XPR1: variants seen among roughly 807,000 people sequenced by gnomAD.
XPR1 encodes the protein xenotropic and polytropic retrovirus receptor 1.
A neutral mutation model predicts 87.5 loss-of-function variants in XPR1; 28 were observed. That is an observed-to-expected ratio of 0.32 (90% CI 0.24 to 0.44). XPR1 has a LOEUF of 0.44. Ranked by LOEUF, XPR1 falls within the 20% of genes least tolerant of loss-of-function variation. The pLI, the probability that XPR1 is intolerant of heterozygous loss-of-function variation, is 1.00. For missense variants in XPR1, 559 were observed against 862.3 expected, an observed-to-expected ratio of 0.65 and a Z score of 4.41; for synonymous variants, 300 against 306.1, an observed-to-expected ratio of 0.98 and a Z score of 0.21.
chr1:180,696,168 GTGT>G (rs1557961615), intron 2 of XPR1, among the ~76,000 whole-genome samples: 15 of 75,342 alleles, frequency 2.0e-4, no homozygotes, highest in African/African-American at 6.8e-4. Flanking sequence ...ATTCCTGGGT[GTGT>G]GTGTGTGTGT....
At chr1:180,798,155 A>G (rs1289545205) in intron 3 of XPR1, among the ~76,000 whole-genome samples, 1 of 152,152 alleles carries the variant, frequency 6.6e-6, no homozygotes, top group Non-Finnish European at 1.5e-5. Flanking sequence ...TATCAGGAAA[A>G]TAATAAAAAT....
Position 180,663,086 on chromosome 1 carries a change from A to G in XPR1, c.70-19274A>G, listed in dbSNP as rs1181616718. ...CCTCAAAACAGCTGGTTTGAATTCT[A>G]TCTGAAAGGTCTCATATCTCCATTT... On this transcript the variant is annotated intron_variant, in intron 1 of 14. Transcript: ENST00000367590. Among the ~76,000 whole-genome samples, 5 of 152,188 alleles carry G rather than the reference A, an allele frequency of 3.3e-5. No individual in the cohort carries two copies. The East Asian group carries it at 7.7e-4, about 23-fold the overall frequency.
intron 1 of XPR1, among the ~76,000 whole-genome samples, chr1:180,645,156 C>T (rs1415142533): frequency 6.6e-6 from 1 of 152,238 alleles, no homozygotes; most frequent in Admixed American, 6.5e-5. Flanking sequence ...TTTGTGATCT[C>T]AAGCAGTTGC....
chr1:180,788,382 A>G (rs191532768), intron 3 of XPR1, among the ~76,000 whole-genome samples: 1 of 152,360 alleles, frequency 6.6e-6, no homozygotes, highest in East Asian at 1.9e-4. Context: ...GTTGCAATGT[A>G]CATAATATAC....
intron 1 of XPR1, among the ~76,000 whole-genome samples, chr1:180,664,102 C>T (rs748353128): frequency 7.9e-5 from 12 of 152,094 alleles, no homozygotes; most frequent in Non-Finnish European, 1.5e-4. Context: ...TATTGGGGAC[C>T]CCAAAAGCCT....
At chr1:180,671,209 AGG>A (rs1656157482) in intron 1 of XPR1, among the ~76,000 whole-genome samples, 1 of 152,182 alleles carries the variant, frequency 6.6e-6, no homozygotes, top group South Asian at 2.1e-4. Flanking sequence ...TGTGGCCCTG[AGG>A]AAATCTTTGC....
chr1:180,759,772 A>G (rs1192427597), intron 2 of XPR1, among the ~76,000 whole-genome samples: 3 of 152,242 alleles, frequency 2.0e-5, no homozygotes, highest in Non-Finnish European at 4.4e-5. Flanking sequence ...TTATGAGGCC[A>G]GCATCATCCT....
chr1:180,783,876 G>A (rs59543576), intron 2 of XPR1, among the ~76,000 whole-genome samples: 6,490 of 151,782 alleles, frequency 0.043, 507 homozygotes, highest in African/African-American at 0.15. Context: ...CCAACATGGC[G>A]AAACCCCATC....
chr1:180,829,887 C>A (rs1422888331), intron 9 of XPR1, among the ~76,000 whole-genome samples: 1 of 150,980 alleles, frequency 6.6e-6, no homozygotes, highest in Non-Finnish European at 1.5e-5. Flanking sequence ...TCCCTTTTTT[C>A]CTTATTTAAT....
chr1:180,878,532 A>T (rs1210954341), intron 13 of XPR1, among the ~76,000 whole-genome samples: 1 of 152,218 alleles, frequency 6.6e-6, no homozygotes, highest in East Asian at 1.9e-4. Context: ...TACCTTTATT[A>T]AATCCTCACA....
In XPR1 at chr1:180,728,298, G is replaced by C. The variant is rs543133764; in HGVS notation, c.121+45887G>C. Among the ~76,000 whole-genome samples, 242 of 33,802 alleles carry C rather than the reference G, an allele frequency of 7.2e-3. 6 individuals are homozygous for C. The highest frequency in any genetic ancestry group is 0.065 in the Admixed American group (240 of 3,698). The allele number at this position is 33,802 out of a possible 152,430, so 22.2% of individuals were successfully genotyped here. ...TGAGAAAAAGGAGTTGTTTATAACT[G>C]GGGGGGGGGGTAGTAATGAAAACTA... On this transcript the variant is annotated intron_variant, in intron 2 of 14. Transcript: ENST00000367590.
intron 9 of XPR1, among the ~76,000 whole-genome samples, chr1:180,831,628 T>C (rs113854381): frequency 0.043 from 6,350 of 148,082 alleles, 486 homozygotes; most frequent in African/African-American, 0.15. Flanking sequence ...CTCCCACTTA[T>C]GAGTGAGAAC....
At chr1:180,803,659 A>C in intron 4 of XPR1, 48 bp downstream of exon 4, 1 of 1,485,022 alleles carries the variant, frequency 6.7e-7, no homozygotes, top group Non-Finnish European at 9.3e-7. Flanking sequence ...GTAAATGAGA[A>C]ATTTCAATAA....
chr1:180,811,559 G>A (rs1650213988), intron 7 of XPR1, 71 bp downstream of exon 7: 1 of 1,237,028 alleles, frequency 8.1e-7, no homozygotes. Flanking sequence ...CCCTCTGTAA[G>A]GAATTATGCA....
Position 180,824,915 on chromosome 1 carries a change from G to A in XPR1, c.926G>A (p.Ser309Asn), listed in dbSNP as rs1571872064. 1 of 1,613,698 alleles carries A rather than the reference G, an allele frequency of 6.2e-7. No individual in the cohort carries two copies. The highest frequency in any genetic ancestry group is 1.1e-5 in the South Asian group (1 of 90,922). ...CTCATCTTTGAACTTAATCCGAGAA[G>A]CAATTTGTCTCATCAACATCTCTTT... is the stretch of plus-strand genomic sequence containing the variant. Reference protein sequence around the residue: ...HVLIFELNPRSNLSHQHLFEI... With the variant: ...HVLIFELNPRNNLSHQHLFEI... The change falls in exon 8 of 15, where the codon AGC becomes AAC. Residue 309 changes from serine to asparagine, a missense_variant. Coordinates refer to ENST00000367590, the MANE Select transcript of XPR1 (RefSeq NM_004736.4).
At chr1:180,883,446 C>A (rs1347925647) in intron 14 of XPR1, among the ~76,000 whole-genome samples, 1 of 152,080 alleles carries the variant, frequency 6.6e-6, no homozygotes, top group African/African-American at 2.4e-5. Context: ...CAGTGACTCA[C>A]ACCTGTAAAC....
At chr1:180,722,533 G>A (rs1658209130) in intron 2 of XPR1, among the ~76,000 whole-genome samples, 1 of 152,080 alleles carries the variant, frequency 6.6e-6, no homozygotes, top group South Asian at 2.1e-4. Context: ...ATTGGCCTGT[G>A]GTGTAAAATG....
In XPR1 at chr1:180,827,153, C is replaced by CAAAAAAAAAAAA. The variant is rs11324246; in HGVS notation, c.1134+1822_1134+1833dup. Among the ~76,000 whole-genome samples, 219 of 66,902 alleles carry CAAAAAAAAAAAA rather than the reference C, an allele frequency of 3.3e-3. 5 individuals carry two copies. The highest frequency in any genetic ancestry group is 0.013 in the African/African-American group (216 of 16,358). The allele number at this position is 66,902 out of a possible 152,430, so 43.9% of individuals were successfully genotyped here. ...TGGACGACAGAGTGAGACTCCTTCT[C>CAAAAAAAAAAAA]AAAAAAAAAAAAAAAAAAAAAAAAG... On this transcript the variant is annotated intron_variant, in intron 9 of 14. Transcript: ENST00000367590.
At chr1:180,823,171 G>A (rs908333600) in intron 7 of XPR1, among the ~76,000 whole-genome samples, 10 of 151,306 alleles carry the variant, frequency 6.6e-5, no homozygotes, top group African/African-American at 2.2e-4. Flanking sequence ...AACGCGGGAG[G>A]CAGAGGTTGC....
Sources: allele counts gnomAD v4.1 joint callset (sites outside exome capture counted in the v4.1 genomes callset), GRCh38; gene constraint gnomAD v4.1.1; transcripts MANE v1.5; gene names NCBI Gene and HGNC (gene_info 2026-07-23, HGNC 2026-07-21).